The following CDH18 variants were observed in gnomAD, a reference collection of about 807,000 sequenced individuals.
CDH18 encodes the protein cadherin 18.
CDH18 carries 31 observed loss-of-function variants against 67.9 expected under a neutral mutation model. The ratio of observed to expected loss-of-function variants is 0.46; its 90% CI spans 0.34 to 0.62. CDH18 has a LOEUF of 0.62. CDH18 is among the 20% of genes least tolerant of loss of function. The probability of loss-of-function intolerance (pLI) is 0.01; values close to 1 mark genes in which losing one functional copy is unlikely to be tolerated. For synonymous variants in CDH18, 362 were observed against 347.2 expected, an observed-to-expected ratio of 1.04 and a Z score of -0.48; for missense variants, 890 against 975.5, an observed-to-expected ratio of 0.91 and a Z score of 1.17.
At chr5:19,711,754 C>T (rs978202067) in intron 5 of CDH18, among the ~76,000 whole-genome samples, 2 of 151,274 alleles carry the variant, frequency 1.3e-5, no homozygotes, top group African/African-American at 4.9e-5. Context: ...TGAGAAACAG[C>T]ATGGAGAATT....
At chr5:19,565,177 G>C (rs1740157314) in intron 8 of CDH18, among the ~76,000 whole-genome samples, 1 of 152,114 alleles carries the variant, frequency 6.6e-6, no homozygotes, top group South Asian at 2.1e-4. Flanking sequence ...TAACTGAAGA[G>C]CCCTGGGCCT....
intron 10 of CDH18, among the ~76,000 whole-genome samples, chr5:19,504,560 A>T (rs1056969615): frequency 4.6e-5 from 7 of 152,132 alleles, no homozygotes; most frequent in Non-Finnish European, 7.4e-5. Flanking sequence ...TATATACATT[A>T]GCTAGACATT....
chr5:20,244,185 C>G (rs901491255), intron 2 of CDH18, among the ~76,000 whole-genome samples: 19 of 151,944 alleles, frequency 1.3e-4, no homozygotes, highest in African/African-American at 4.3e-4. Flanking sequence ...TAACAACCTC[C>G]GCTGAAGGTG....
At chr5:20,286,277 ATT>A (rs575456113) in intron 1 of CDH18, among the ~76,000 whole-genome samples, 14 of 151,770 alleles carry the variant, frequency 9.2e-5, no homozygotes, top group African/African-American at 3.4e-4. Context: ...TAAGATTAAC[ATT>A]TAGTTAGGTG....
intron 2 of CDH18, among the ~76,000 whole-genome samples, chr5:19,901,478 A>C (rs1185174550): frequency 1.3e-5 from 2 of 152,164 alleles, no homozygotes; most frequent in South Asian, 4.1e-4. Context: ...AAGCAAAATT[A>C]GCTTTTGAGA....
chr5:19,871,390 TC>T (rs1253810005), intron 2 of CDH18, among the ~76,000 whole-genome samples: 4 of 134,490 alleles, frequency 3.0e-5, no homozygotes, highest in Non-Finnish European at 5.1e-5. Flanking sequence ...ACTTATCACA[TC>T]TTTTTTTATT....
chr5:19,549,773 AAAG>A (rs1330171813), intron 8 of CDH18, among the ~76,000 whole-genome samples: 1 of 134,154 alleles, frequency 7.5e-6, no homozygotes, highest in Non-Finnish European at 1.7e-5. Context: ...AAAAAGAAAG[AAAG>A]AAAGGAAGAA....
chr5:19,756,801 C>G (rs1028993457), intron 3 of CDH18, among the ~76,000 whole-genome samples: 3 of 152,196 alleles, frequency 2.0e-5, no homozygotes, highest in African/African-American at 7.2e-5. Flanking sequence ...ATCACAGTAA[C>G]AGGAAGCAAA....
chr5:19,551,170 CAAG>C (rs1446631501), intron 8 of CDH18, among the ~76,000 whole-genome samples: 1 of 152,068 alleles, frequency 6.6e-6, no homozygotes, highest in Non-Finnish European at 1.5e-5. Flanking sequence ...AATGAAGAAG[CAAG>C]AAGAATTAGG....
chr5:19,525,469 C>T (rs1203786864), intron 9 of CDH18, among the ~76,000 whole-genome samples: 1 of 152,190 alleles, frequency 6.6e-6, no homozygotes, highest in East Asian at 1.9e-4. Flanking sequence ...TTTAATCTTA[C>T]CTTATTGAGC....
intron 7 of CDH18, among the ~76,000 whole-genome samples, chr5:19,582,261 C>T (rs958204194): frequency 8.6e-5 from 13 of 151,562 alleles, no homozygotes; most frequent in Admixed American, 2.6e-4. Context: ...TTAAAAATAC[C>T]CAATACATAC....
intron 1 of CDH18, among the ~76,000 whole-genome samples, chr5:20,527,417 A>C (rs62352724): frequency 0.02 from 3,024 of 152,108 alleles, 55 homozygotes; most frequent in African/African-American, 0.039. Context: ...GAGAACCCCA[A>C]TAAGATATTC....
intron 7 of CDH18, among the ~76,000 whole-genome samples, chr5:19,580,836 A>G (rs990703978): frequency 9.9e-5 from 15 of 151,974 alleles, no homozygotes; most frequent in Non-Finnish European, 2.2e-4. Context: ...GGAAATCTAA[A>G]TAGCAAATAA....
chr5:19,507,055 C>T (rs188261367), intron 10 of CDH18, among the ~76,000 whole-genome samples: 5,130 of 152,156 alleles, frequency 0.034, 278 homozygotes, highest in African/African-American at 0.12. Context: ...AACAAATTTA[C>T]AAGAAAAAAG....
At chr5:20,237,186 G>A (rs191278739) in intron 2 of CDH18, among the ~76,000 whole-genome samples, 3 of 151,940 alleles carry the variant, frequency 2.0e-5, no homozygotes, top group Admixed American at 6.5e-5. Flanking sequence ...AACTGACAAA[G>A]GGCATCTACA....
rs148440619 is a variant in CDH18, at chr5:20,488,255, G to A, written c.-580+87207C>T. On this transcript the variant is annotated intron_variant, in intron 1 of 14. Coordinates refer to the CDH18 transcript ENST00000507958. ...ACTTGTAATTTTGCAGCCTGTAATT[G>A]TATTTCACCTAGGTCCATACATACA... is the stretch of plus-strand genomic sequence containing the variant. Among the ~76,000 whole-genome samples the A allele has an allele frequency of 2.0e-3, 310 of 152,188 alleles. 1 individual carries two copies. The highest frequency in any genetic ancestry group is 3.4e-3 in the Middle Eastern group (1 of 294).
intron 2 of CDH18, among the ~76,000 whole-genome samples, chr5:20,098,687 T>C (rs188761011): frequency 1.3e-5 from 2 of 152,246 alleles, no homozygotes; most frequent in East Asian, 1.9e-4. Context: ...CTTCAAAGAA[T>C]ATACTACACA....
chr5:20,298,493 A>G (rs2149960658), intron 1 of CDH18, among the ~76,000 whole-genome samples: 1 of 152,308 alleles, frequency 6.6e-6, no homozygotes, highest in Admixed American at 6.5e-5. Context: ...CTTATTCCTC[A>G]TAATTAACTC....
At chr5:19,599,737 C>T (rs570977219) in intron 6 of CDH18, among the ~76,000 whole-genome samples, 357 of 152,118 alleles carry the variant, frequency 2.3e-3, no homozygotes, top group Non-Finnish European at 4.1e-3. Context: ...CCCATCTCTA[C>T]TAAAAATACA....
Sources: gnomAD v4.1 joint callset for allele counts (sites outside exome capture counted in the v4.1 genomes callset) on GRCh38, gnomAD v4.1.1 for gene constraint, MANE v1.5 for transcripts, NCBI Gene and HGNC (gene_info 2026-07-23, HGNC 2026-07-21) for gene names.